Variants in GATA4 observed in about 807,000 individuals in gnomAD.
The protein encoded by GATA4 is GATA binding protein 4.
GATA4 carries 7 observed loss-of-function variants against 37.9 expected under a neutral mutation model. The observed-to-expected ratio is 0.18, with a 90% CI of 0.11 to 0.35. The LOEUF (loss-of-function observed/expected upper bound fraction) is 0.35, where lower values mean the gene tolerates loss of function less well. Ranked by LOEUF, GATA4 falls within the 10% of genes least tolerant of loss-of-function variation. The probability of loss-of-function intolerance (pLI) is 1.00; values close to 1 mark genes in which losing one functional copy is unlikely to be tolerated. For synonymous variants in GATA4, 372 were observed against 292.6 expected, an observed-to-expected ratio of 1.27 and a Z score of -2.77; for missense variants, 647 against 653.0, an observed-to-expected ratio of 0.99 and a Z score of 0.10.
chr8:11,720,140 C>T (rs1289807610), intron 2 of GATA4, among the ~76,000 whole-genome samples: 1 of 151,660 alleles, frequency 6.6e-6, no homozygotes, highest in Non-Finnish European at 1.5e-5. Flanking sequence ...CTCACTGCCT[C>T]TCTCTGCTTG....
At chr8:11,757,182 T>G in intron 6 of GATA4, 99 bp downstream of exon 6, 1 of 1,529,950 alleles carries the variant, frequency 6.5e-7, no homozygotes, top group Non-Finnish European at 8.9e-7. Flanking sequence ...CAGCCAGGCC[T>G]CACAGGTGCA....
At chr8:11,750,087 A>G in intron 3 of GATA4, 24 bp from the exon 4 acceptor site, 2 of 1,614,002 alleles carry the variant, frequency 1.2e-6, no homozygotes, top group Non-Finnish European at 1.7e-6. Flanking sequence ...CTTGGACATG[A>G]AGCATTTGTT....
At chr8:11,736,282 G>C (rs1387882122) in intron 2 of GATA4, among the ~76,000 whole-genome samples, 5 of 152,236 alleles carry the variant, frequency 3.3e-5, no homozygotes, top group African/African-American at 9.6e-5. Flanking sequence ...AAACATAAAT[G>C]AGAGTTAGAA....
intron 2 of GATA4, among the ~76,000 whole-genome samples, chr8:11,713,981 C>G (rs1195580040): frequency 1.3e-5 from 2 of 152,116 alleles, no homozygotes; most frequent in East Asian, 1.9e-4. Context: ...AAATGGGAGT[C>G]TTTTATTGCA....
intron 5 of GATA4, 98 bp downstream of exon 5, chr8:11,755,231 G>C (rs572985708): frequency 1.0e-6 from 1 of 952,684 alleles, no homozygotes. Context: ...AGCCCGGGCC[G>C]CCAGGGGGTG....
intron 2 of GATA4, among the ~76,000 whole-genome samples, chr8:11,728,933 T>A (rs1801072065): frequency 6.6e-6 from 1 of 152,164 alleles, no homozygotes; most frequent in South Asian, 2.1e-4. Flanking sequence ...TTTAGAATAG[T>A]TTAAAGACCT....
chr8:11,713,862 C>T (rs1335002115), intron 2 of GATA4, among the ~76,000 whole-genome samples: 1 of 152,130 alleles, frequency 6.6e-6, no homozygotes, highest in Non-Finnish European at 1.5e-5. Context: ...TCTGCATGTG[C>T]CTGTGAAACG....
At chr8:11,739,258 G>A (rs1010577457) in intron 2 of GATA4, among the ~76,000 whole-genome samples, 3 of 152,218 alleles carry the variant, frequency 2.0e-5, no homozygotes, top group African/African-American at 7.2e-5. Flanking sequence ...CAATTGTCAT[G>A]TAATAAACCA....
chr8:11,756,797 G>C, intron 5 of GATA4, 138 bp from the exon 6 acceptor site: 1 of 1,162,278 alleles, frequency 8.6e-7, no homozygotes, highest in South Asian at 1.2e-5. Context: ...GCCCTCCGCA[G>C]ATAAGGACCT....
intron 1 of GATA4, chr8:11,681,156 C>T (rs978032177): frequency 1.0e-6 from 1 of 985,150 alleles, no homozygotes; most frequent in African/African-American, 1.7e-5. Context: ...CAGCTCCGTT[C>T]TGTTCGCAGA....
chr8:11,679,146 A>C (rs1279944254), intron 1 of GATA4, among the ~76,000 whole-genome samples: 1 of 139,958 alleles, frequency 7.1e-6, no homozygotes, highest in Non-Finnish European at 1.6e-5. Context: ...CACTACACGA[A>C]GTGGAGATTC....
chr8:11,737,920 C>T (rs191658590), intron 2 of GATA4, among the ~76,000 whole-genome samples: 1 of 152,272 alleles, frequency 6.6e-6, no homozygotes, highest in Admixed American at 6.5e-5. Flanking sequence ...GTGGCGCACG[C>T]CTGTAATCCC....
chr8:11,721,354 C>A (rs1800668450), intron 2 of GATA4, among the ~76,000 whole-genome samples: 1 of 148,536 alleles, frequency 6.7e-6, no homozygotes. Flanking sequence ...GGCAGGAATG[C>A]AAGCAGAAGC....
chr8:11,757,016 A>G lies in GATA4; in HGVS notation c.1082A>G (p.Glu361Gly), dbSNP rs749880626. Residue 361 changes from glutamate to glycine, a missense_variant, in exon 6 of 7, where the codon GAG becomes GGG. Physicochemically the swap from Glu to Gly is moderately conservative, Grantham distance 98. Transcript: ENST00000532059. The stretch of plus-strand genomic sequence containing the variant: ...AACGCCACCACCAGCAGCAGCGAGG[A>G]GATGCGTCCCATCAAGACGGAGCCT... ...SSNATTSSSE[E>G]MRPIKTEPGL... is the part of the protein sequence containing the mutation. 3.7e-6 allele frequency: 6 copies of G among 1,614,234 alleles called. No homozygotes were observed. The highest frequency in any genetic ancestry group is 2.2e-5 in the East Asian group (1 of 44,880).
intron 2 of GATA4, among the ~76,000 whole-genome samples, chr8:11,735,585 G>C (rs572782300): frequency 5.9e-5 from 9 of 152,132 alleles, no homozygotes; most frequent in African/African-American, 1.7e-4. Context: ...TTTTTGAGAC[G>C]GAGTTTTGCT....
chr8:11,717,578 C>G (rs965044765), intron 2 of GATA4, among the ~76,000 whole-genome samples: 1 of 152,212 alleles, frequency 6.6e-6, no homozygotes, highest in Non-Finnish European at 1.5e-5. Context: ...TTTCCCCACA[C>G]TTTGTATTTG....
intron 2 of GATA4, among the ~76,000 whole-genome samples, chr8:11,712,225 G>C (rs1800216890): frequency 3.3e-5 from 5 of 152,222 alleles, no homozygotes; most frequent in Admixed American, 3.3e-4. Context: ...GTGTGCCCAG[G>C]ACTGAGGGTT....
At position 11,759,789 on chromosome 8, in the gene GATA4, C is replaced by G. The variant is rs1287717896; in HGVS notation, c.*1314C>G. ...AGCTGACTGTGGCATTACTACGCCT[C>G]CCCACACGCCCAGACCCCTCACTCC... On this transcript the variant is annotated 3_prime_UTR_variant, in exon 7 of 7. Coordinates refer to ENST00000532059, the MANE Select transcript of GATA4 (RefSeq NM_001308093.3). The G allele has an allele frequency of 6.6e-6, 1 of 152,290 alleles. No individual in the cohort carries two copies. The highest frequency in any genetic ancestry group is 1.5e-5 in the Non-Finnish European group (1 of 68,050). 9.4% of individuals were successfully genotyped at this position (152,290 alleles called of 1,614,324 possible).
chr8:11,679,873 G>T (rs1167078086), intron 1 of GATA4, among the ~76,000 whole-genome samples: 1 of 152,186 alleles, frequency 6.6e-6, no homozygotes, highest in African/African-American at 2.4e-5. Context: ...TGAGGAAGAG[G>T]GTAACAGTAT....
Sources: allele counts gnomAD v4.1 joint callset (sites outside exome capture counted in the v4.1 genomes callset), GRCh38; gene constraint gnomAD v4.1.1; transcripts MANE v1.5; gene names NCBI Gene and HGNC (gene_info 2026-07-23, HGNC 2026-07-21).